Variants in PDCL3 observed in about 807,000 individuals in gnomAD.
The protein encoded by PDCL3 is phosducin-like protein 3.
PDCL3 carries 22 observed loss-of-function variants against 26.5 expected under a neutral mutation model. The observed-to-expected ratio is 0.83, with a 90% CI of 0.59 to 1.19. PDCL3 has a LOEUF of 1.19. PDCL3 is among the 50% of genes most tolerant of loss of function. The pLI is 0.00. For missense variants in PDCL3, 246 were observed against 294.1 expected (o/e 0.84, Z 1.20); for synonymous variants, 81 against 104.9 (o/e 0.77, Z 1.39).
chr2:100,566,763 A>G (rs966847769), intron 2 of PDCL3, 134 bp downstream of exon 2: 9 of 1,305,768 alleles, frequency 6.9e-6, no homozygotes, highest in Non-Finnish European at 9.5e-6. Flanking sequence ...GACAAAACAC[A>G]GGGCGTCTCT....
At chr2:100,569,323 C>CT (rs1675122096) in intron 3 of PDCL3, among the ~76,000 whole-genome samples, 1 of 152,136 alleles carries the variant, frequency 6.6e-6, no homozygotes, top group East Asian at 1.9e-4. Context: ...TGCCACTGCA[C>CT]TCCAGCCTGT....
In PDCL3 at chr2:100,571,847, T is replaced by C. The variant is rs773091527; in HGVS notation, c.577+49T>C. Reference sequence around the variant, plus strand: ...GGGCAGTGAGAGATGGGAGGCGCATTTCTGTTGGAGAGAGTGTCTATTTCC... The same window carrying C: ...GGGCAGTGAGAGATGGGAGGCGCATCTCTGTTGGAGAGAGTGTCTATTTCC... On this transcript the variant is annotated intron_variant, in intron 5 of 5. Transcript: ENST00000264254. 5 of 1,566,410 alleles carry C rather than the reference T, an allele frequency of 3.2e-6. No individual in the cohort carries two copies. In the East Asian group the frequency reaches 1.1e-4, roughly 35 times the overall value.
intron 1 of PDCL3, among the ~76,000 whole-genome samples, chr2:100,563,965 G>A (rs1481316126): frequency 6.7e-6 from 1 of 150,136 alleles, no homozygotes; most frequent in East Asian, 2.0e-4. Context: ...AGGCTGGAGT[G>A]CAGTGGCTCT....
chr2:100,575,408 T>C (rs1044580117), intron 5 of PDCL3, among the ~76,000 whole-genome samples: 1 of 152,234 alleles, frequency 6.6e-6, no homozygotes, highest in East Asian at 1.9e-4. Context: ...GTGCTGGGAT[T>C]ACAGGCATGT....
rs562957291 is a variant in PDCL3 at position 100,576,478 on chromosome 2, C to T, written c.702C>T (p.Ser234=). Residue 234 remains serine (S), a synonymous_variant, in exon 6 of 6, where the codon AGC becomes AGT. Coordinates refer to ENST00000264254, the MANE Select transcript of PDCL3 (RefSeq NM_024065.5). The part of the protein sequence containing the change: ...VRRSVLMKRD[S]DSEGD ...GCTCTGTCCTCATGAAGAGGGACAGCGATTCCGAGGGTGACTGAGGCTACA... is the reference window on the plus strand; with the variant it reads ...GCTCTGTCCTCATGAAGAGGGACAGTGATTCCGAGGGTGACTGAGGCTACA... The T allele has an allele frequency of 4.3e-5, 69 of 1,606,504 alleles. No individual in the cohort carries two copies. The highest frequency in any genetic ancestry group is 1.1e-4 in the South Asian group (10 of 89,766).
chr2:100,573,737 A>G (rs1446122101), intron 5 of PDCL3, among the ~76,000 whole-genome samples: 1 of 152,002 alleles, frequency 6.6e-6, no homozygotes, highest in Non-Finnish European at 1.5e-5. Context: ...ATAAACACAC[A>G]CATATAGGAG....
intron 2 of PDCL3, among the ~76,000 whole-genome samples, chr2:100,567,228 G>C (rs929010297): frequency 3.9e-5 from 6 of 152,202 alleles, no homozygotes; most frequent in African/African-American, 1.4e-4. Context: ...CCAGGGACTA[G>C]TACTTTTGTC....
chr2:100,566,733 T>A (rs1016376053), intron 2 of PDCL3, 104 bp downstream of exon 2: 11 of 1,514,854 alleles, frequency 7.3e-6, no homozygotes, highest in Admixed American at 1.9e-5. Context: ...GCATGGACAC[T>A]CTGTGTCTGT....
intron 5 of PDCL3, among the ~76,000 whole-genome samples, chr2:100,573,974 T>C (rs1675229907): frequency 1.3e-5 from 2 of 152,104 alleles, no homozygotes; most frequent in Non-Finnish European, 2.9e-5. Flanking sequence ...TGTGTGGATA[T>C]ATAAAGATAT....
intron 5 of PDCL3, among the ~76,000 whole-genome samples, chr2:100,575,418 T>TGA (rs1387716592): frequency 8.9e-4 from 136 of 152,104 alleles, no homozygotes; most frequent in Non-Finnish European, 9.4e-4. Context: ...TACAGGCATG[T>TGA]GCCACCGCGC....
chr2:100,563,005 A>C lies in PDCL3; in HGVS notation c.-63A>C. 6.3e-7 allele frequency: 1 copy of C among 1,575,556 alleles called. No homozygotes were observed. Among genetic ancestry groups the C allele is most frequent in the Admixed American group, 1.9e-5 (1 of 53,990 alleles). ...GTGGCGGCGCTGTGCGCGTGCACAAAAGAGAGCTGAGGGGCGGGGGCGCTG... is the reference window on the plus strand; with the variant it reads ...GTGGCGGCGCTGTGCGCGTGCACAACAGAGAGCTGAGGGGCGGGGGCGCTG... On this transcript the variant is annotated 5_prime_UTR_variant, in exon 1 of 6. Coordinates refer to ENST00000264254, the MANE Select transcript of PDCL3 (RefSeq NM_024065.5).
At chr2:100,573,409 C>T (rs572586198) in intron 5 of PDCL3, among the ~76,000 whole-genome samples, 1 of 152,100 alleles carries the variant, frequency 6.6e-6, no homozygotes, top group Non-Finnish European at 1.5e-5. Context: ...TGCGGTGGCT[C>T]ATGCCTGTAA....
intron 1 of PDCL3, among the ~76,000 whole-genome samples, chr2:100,564,625 G>C (rs945206505): frequency 4.6e-5 from 7 of 152,120 alleles, no homozygotes; most frequent in African/African-American, 1.7e-4. Flanking sequence ...TCTCAGAACT[G>C]TTACACAGGG....
chr2:100,573,965 G>A (rs1675229713), intron 5 of PDCL3, among the ~76,000 whole-genome samples: 1 of 152,082 alleles, frequency 6.6e-6, no homozygotes, highest in Non-Finnish European at 1.5e-5. Flanking sequence ...ATGTACGTAT[G>A]TGTGGATATA....
intron 1 of PDCL3, 164 bp downstream of exon 1, chr2:100,563,237 C>A (rs1674986272): frequency 1.2e-6 from 1 of 837,982 alleles, no homozygotes; most frequent in Non-Finnish European, 1.8e-6. Flanking sequence ...GGGAGGCGGG[C>A]GTGGTCCCAC....
chr2:100,563,305 C>T (rs1261869590), intron 1 of PDCL3: 11 of 494,776 alleles, frequency 2.2e-5, no homozygotes, highest in African/African-American at 1.8e-4. Context: ...AAACCTCGTC[C>T]TCCGGGACTA....
At chr2:100,566,291 T>G (rs182078943) in intron 1 of PDCL3, among the ~76,000 whole-genome samples, 4 of 152,214 alleles carry the variant, frequency 2.6e-5, no homozygotes, top group Admixed American at 2.6e-4. Context: ...CTATCCTAAT[T>G]TTTACCCCAA....
intron 5 of PDCL3, among the ~76,000 whole-genome samples, chr2:100,575,427 G>C (rs191171219): frequency 6.6e-6 from 1 of 152,178 alleles, no homozygotes; most frequent in African/African-American, 2.4e-5. Context: ...GTGCCACCGC[G>C]CCCGGCCTGG....
intron 5 of PDCL3, among the ~76,000 whole-genome samples, chr2:100,573,305 T>G (rs1385828223): frequency 6.6e-6 from 1 of 152,226 alleles, no homozygotes; most frequent in Non-Finnish European, 1.5e-5. Context: ...TATCTCTTTA[T>G]TGAAATAATA....
Sources: allele counts gnomAD v4.1 joint callset (sites outside exome capture counted in the v4.1 genomes callset), GRCh38; gene constraint gnomAD v4.1.1; transcripts MANE v1.5; gene names NCBI Gene and HGNC (gene_info 2026-07-23, HGNC 2026-07-21).